Variants in GALNT10 observed in about 807,000 individuals in gnomAD.
GALNT10 encodes the protein polypeptide N-acetylgalactosaminyltransferase 10.
In GALNT10, 41 loss-of-function variants were observed where a neutral mutation model predicts 75.0. That is an observed-to-expected ratio of 0.55 (90% CI 0.43 to 0.71). The LOEUF (loss-of-function observed/expected upper bound fraction) is 0.71. GALNT10 is among the 30% of genes least tolerant of loss of function. The pLI, the probability that GALNT10 is intolerant of heterozygous loss-of-function variation, is 0.00. For synonymous variants in GALNT10, 302 were observed against 313.0 expected (o/e 0.96, Z 0.37); for missense variants, 727 against 818.5 (o/e 0.89, Z 1.36).
intron 3 of GALNT10, among the ~76,000 whole-genome samples, chr5:154,319,875 C>A (rs1754648047): frequency 6.6e-6 from 1 of 152,202 alleles, no homozygotes; most frequent in Non-Finnish European, 1.5e-5. Flanking sequence ...TGAGTGGCGG[C>A]TTTCTATTTT....
At position 154,241,754 on chromosome 5, in the gene GALNT10, T is replaced by C. The variant is rs181323287; in HGVS notation, c.159+50729T>C. On this transcript the variant is annotated intron_variant, in intron 1 of 11. Coordinates refer to ENST00000297107, the MANE Select transcript of GALNT10 (RefSeq NM_198321.4). ...TAACCATTCCTATGTTATTGGACAT[T>C]TAGATTATTTCCAGTTTTTCATTAT... 2.9e-3 allele frequency among the ~76,000 whole-genome samples: 438 copies of C among 152,336 alleles called. 2 individuals are homozygous for C. Among genetic ancestry groups the C allele is most frequent in the African/African-American group, 0.01 (424 of 41,572 alleles).
intron 10 of GALNT10, among the ~76,000 whole-genome samples, chr5:154,413,890 T>G (rs1756451073): frequency 6.6e-6 from 1 of 152,206 alleles, no homozygotes; most frequent in African/African-American, 2.4e-5. Flanking sequence ...TTGTAAAGCA[T>G]ATATCTGATA....
intron 1 of GALNT10, among the ~76,000 whole-genome samples, chr5:154,215,732 G>A (rs17537995): frequency 0.44 from 66,963 of 151,998 alleles, 15,594 homozygotes; most frequent in East Asian, 0.78. Flanking sequence ...TGCCATCTGT[G>A]TGCATCGCTG....
rs1202518049 is a variant in GALNT10 at position 154,310,447 on chromosome 5, TTTTTTG to T, written c.401+12372_401+12377del. On this transcript the variant is annotated intron_variant, in intron 3 of 11. Transcript: ENST00000297107. ...CCATCACTGGGTTTTTTTTGTTTTT[TTTTTTG>T]TTTGTTTGTTTGTTTGTTTGTTTGT... Among the ~76,000 whole-genome samples, 701 of 83,558 alleles carry T rather than the reference TTTTTTG, an allele frequency of 8.4e-3. 4 individuals are homozygous for T. The highest frequency in any genetic ancestry group is 0.024 in the African/African-American group (640 of 26,626). 54.8% of individuals were successfully genotyped at this position (83,558 alleles called of 152,430 possible). A position where few individuals can be genotyped will look rare whatever the true frequency, so the allele number is the denominator to read the frequency against.
chr5:154,401,546 G>A (rs1756162192), intron 7 of GALNT10, among the ~76,000 whole-genome samples: 2 of 152,210 alleles, frequency 1.3e-5, no homozygotes, highest in Admixed American at 6.5e-5. Context: ...GTTTGGCCTT[G>A]ACATTAATCT....
rs914363491 is a variant in GALNT10 at position 154,402,284 on chromosome 5, C to T, written c.1057-1820C>T. On this transcript the variant is annotated intron_variant, in intron 7 of 11. Transcript: ENST00000297107. The surrounding 1 kb of genome is among the most constrained non-coding windows in gnomAD (Gnocchi z 4.2). ...TGCCCTGGCTTTCTTTTTGATTATGCCAAGCTTGGCCCTGCCCTGGTGCCT... is the reference window on the plus strand; with the variant it reads ...TGCCCTGGCTTTCTTTTTGATTATGTCAAGCTTGGCCCTGCCCTGGTGCCT... Among the ~76,000 whole-genome samples the T allele has an allele frequency of 6.6e-6, 1 of 152,172 alleles. No homozygotes were observed. The highest frequency in any genetic ancestry group is 1.5e-5 in the Non-Finnish European group (1 of 68,018).
Position 154,395,021 on chromosome 5 carries a change from G to C in GALNT10, c.1056+8591G>C, listed in dbSNP as rs998540677. 3.3e-5 allele frequency among the ~76,000 whole-genome samples: 5 copies of C among 152,234 alleles called. No individual in the cohort carries two copies. The East Asian group carries it at 9.6e-4, about 29-fold the overall frequency. On this transcript the variant is annotated intron_variant, in intron 7 of 11. Coordinates refer to ENST00000297107, the MANE Select transcript of GALNT10 (RefSeq NM_198321.4). Reference sequence around the variant, plus strand: ...ATGAGTGTCCCTGCCTGTGGAGCCTGCTTCTCCCACCACTCCTCCAAGGAG... The same window carrying C: ...ATGAGTGTCCCTGCCTGTGGAGCCTCCTTCTCCCACCACTCCTCCAAGGAG...
In GALNT10 at chr5:154,369,568, A is replaced by G. The variant is rs182151820; in HGVS notation, c.569-6709A>G. Among the ~76,000 whole-genome samples, 8 of 152,316 alleles carry G rather than the reference A, an allele frequency of 5.3e-5. No homozygotes were observed. The East Asian group carries it at 1.5e-3, about 29-fold the overall frequency. ...CCGGAGTATCAAAACAGGATAAAAG[A>G]TGATGCTGTTTACTAACGTGTACCC... On this transcript the variant is annotated intron_variant, in intron 4 of 11. Transcript: ENST00000297107.
chr5:154,347,699 A>G (rs1755150974), intron 4 of GALNT10, among the ~76,000 whole-genome samples: 2 of 152,166 alleles, frequency 1.3e-5, no homozygotes, highest in African/African-American at 4.8e-5. Flanking sequence ...TGTTTTCTTC[A>G]TTTATTTCTC....
intron 4 of GALNT10, among the ~76,000 whole-genome samples, chr5:154,360,399 C>T (rs1371344865): frequency 6.6e-6 from 1 of 151,416 alleles, no homozygotes; most frequent in African/African-American, 2.4e-5. Flanking sequence ...TGCAGTGAGC[C>T]ACGATTGCGC....
At chr5:154,214,860 A>G (rs981448748) in intron 1 of GALNT10, among the ~76,000 whole-genome samples, 4 of 152,190 alleles carry the variant, frequency 2.6e-5, no homozygotes, top group East Asian at 3.8e-4. Context: ...CTGCTTTCCA[A>G]CTGCCTAACC....
chr5:154,210,200 C>T (rs76207396), intron 1 of GALNT10, among the ~76,000 whole-genome samples: 153 of 152,266 alleles, frequency 1.0e-3, no homozygotes, highest in African/African-American at 3.5e-3. Context: ...GGCCCCCTAC[C>T]CACACTGTGC....
At chr5:154,301,026 A>G (rs1754349034) in intron 3 of GALNT10, among the ~76,000 whole-genome samples, 1 of 152,206 alleles carries the variant, frequency 6.6e-6, no homozygotes, top group Non-Finnish European at 1.5e-5. Context: ...TGGAGCCAGG[A>G]TGAGGACCTA....
intron 7 of GALNT10, among the ~76,000 whole-genome samples, chr5:154,395,746 T>C (rs1756002191): frequency 6.6e-6 from 1 of 152,208 alleles, no homozygotes. Flanking sequence ...GGAAATATAG[T>C]GTGAACTGGC....
Position 154,402,141 on chromosome 5 carries a change from C to T in GALNT10, c.1057-1963C>T, listed in dbSNP as rs1561683967. Among the ~76,000 whole-genome samples, 1 of 152,214 alleles carries T rather than the reference C, an allele frequency of 6.6e-6. No homozygotes were observed. The highest frequency in any genetic ancestry group is 2.1e-4 in the South Asian group (1 of 4,836). ...TAAGATGTAAGTGGATTGTGTGTCTCCCTCACTGAAGACCTTCTGTGAAGA... is the reference window on the plus strand; with the variant it reads ...TAAGATGTAAGTGGATTGTGTGTCTTCCTCACTGAAGACCTTCTGTGAAGA... On this transcript the variant is annotated intron_variant, in intron 7 of 11. Coordinates refer to ENST00000297107, the MANE Select transcript of GALNT10 (RefSeq NM_198321.4). This position sits in a 1 kb window ranked among gnomAD's most constrained non-coding sequence, Gnocchi z 4.2.
chr5:154,332,133 AGG>A (rs1754875660), intron 4 of GALNT10, among the ~76,000 whole-genome samples: 1 of 152,120 alleles, frequency 6.6e-6, no homozygotes, highest in South Asian at 2.1e-4. Context: ...TGCCACCCAC[AGG>A]CCAAGGGCTC....
chr5:154,368,092 A>T (rs765746041), intron 4 of GALNT10, among the ~76,000 whole-genome samples: 2 of 152,210 alleles, frequency 1.3e-5, no homozygotes, highest in Non-Finnish European at 2.9e-5. Context: ...GCTTGTTAAA[A>T]TCCGGCTCAG....
At chr5:154,337,962 T>A (rs1261427631) in intron 4 of GALNT10, 7 of 1,576,588 alleles carry the variant, frequency 4.4e-6, no homozygotes, top group Non-Finnish European at 6.0e-6. Context: ...CACGGAGTCA[T>A]GGTCGTCAAA....
intron 4 of GALNT10, among the ~76,000 whole-genome samples, chr5:154,335,956 C>A (rs543354682): frequency 1.3e-5 from 2 of 152,282 alleles, no homozygotes; most frequent in African/African-American, 4.8e-5. Flanking sequence ...AGTTTCACTG[C>A]CCTAAAAATC....
Sources: allele counts gnomAD v4.1 joint callset (sites outside exome capture counted in the v4.1 genomes callset), GRCh38; gene constraint gnomAD v4.1.1; non-coding constraint Gnocchi (gnomAD v3.1); transcripts MANE v1.5; gene names NCBI Gene and HGNC (gene_info 2026-07-23, HGNC 2026-07-21).